EXOC6B: variants seen among roughly 807,000 people sequenced by gnomAD.
EXOC6B encodes SEC15 homolog B.
EXOC6B carries 54 observed loss-of-function variants against 113.5 expected under a neutral mutation model. That is an observed-to-expected ratio of 0.48 (90% confidence interval 0.38 to 0.60). EXOC6B has a LOEUF of 0.60. Among genes scored for constraint, EXOC6B ranks in the 20% least tolerant of loss-of-function variants. The probability of loss-of-function intolerance (pLI) is 0.00; values close to 1 mark genes in which losing one functional copy is unlikely to be tolerated. For synonymous variants in EXOC6B, 357 were observed against 339.0 expected, an observed-to-expected ratio of 1.05 and a Z score of -0.58; for missense variants, 797 against 977.5, an observed-to-expected ratio of 0.82 and a Z score of 2.46.
intron 20 of EXOC6B, among the ~76,000 whole-genome samples, chr2:72,225,133 T>C (rs1020626989): frequency 7.3e-5 from 11 of 151,482 alleles, no homozygotes; most frequent in African/African-American, 2.4e-4. Flanking sequence ...ATTATAGGCA[T>C]GAGGCACCGC....
intron 20 of EXOC6B, among the ~76,000 whole-genome samples, chr2:72,248,576 AT>A (rs1268938134): frequency 6.6e-6 from 1 of 152,220 alleles, no homozygotes; most frequent in Non-Finnish European, 1.5e-5. Context: ...ATTTGGGAAC[AT>A]CAAAAGTTCA....
chr2:72,608,755 G>GA (rs1006464039), intron 6 of EXOC6B, among the ~76,000 whole-genome samples: 24 of 151,798 alleles, frequency 1.6e-4, no homozygotes, highest in African/African-American at 4.6e-4. Context: ...ACCAAAAAGT[G>GA]AAAAAAAATT....
chr2:72,588,405 CTAAG>C (rs1705719129), intron 6 of EXOC6B, among the ~76,000 whole-genome samples: 1 of 151,912 alleles, frequency 6.6e-6, no homozygotes, highest in Non-Finnish European at 1.5e-5. Flanking sequence ...GGACATTATG[CTAAG>C]TAAGCTAGTC....
chr2:72,746,194 A>T (rs1203040719), intron 1 of EXOC6B, among the ~76,000 whole-genome samples: 1 of 152,078 alleles, frequency 6.6e-6, no homozygotes, highest in East Asian at 1.9e-4. Context: ...GTTATGTTGC[A>T]GTTAAACAAG....
chr2:72,317,977 A>G (rs2104816452), intron 20 of EXOC6B, among the ~76,000 whole-genome samples: 1 of 152,300 alleles, frequency 6.6e-6, no homozygotes, highest in South Asian at 2.1e-4. Context: ...CAATCCTTAG[A>G]TTAGGTTTTT....
chr2:72,420,505 G>A (rs967822017), intron 18 of EXOC6B, among the ~76,000 whole-genome samples: 3 of 152,134 alleles, frequency 2.0e-5, no homozygotes, highest in Non-Finnish European at 4.4e-5. Context: ...TTCTATTCTT[G>A]TGTTAGTTTG....
chr2:72,221,080 A>G (rs1457947689), intron 20 of EXOC6B, among the ~76,000 whole-genome samples: 1 of 152,202 alleles, frequency 6.6e-6, no homozygotes, highest in African/African-American at 2.4e-5. Flanking sequence ...TATTTCTTCT[A>G]TCAAACCATG....
chr2:72,723,741 TAAA>T (rs538661620), intron 5 of EXOC6B, among the ~76,000 whole-genome samples: 6 of 108,416 alleles, frequency 5.5e-5, no homozygotes, highest in African/African-American at 6.4e-5. Context: ...ATTTATAGCT[TAAA>T]AAAAAAAAAA....
chr2:72,784,228 C>A (rs1471448915), intron 1 of EXOC6B, among the ~76,000 whole-genome samples: 1 of 152,158 alleles, frequency 6.6e-6, no homozygotes, highest in Non-Finnish European at 1.5e-5. Context: ...CAATACCATG[C>A]TGTTCTGGTT....
At chr2:72,813,024 G>A (rs1189948210) in intron 1 of EXOC6B, among the ~76,000 whole-genome samples, 1 of 152,172 alleles carries the variant, frequency 6.6e-6, no homozygotes, top group Non-Finnish European at 1.5e-5. Context: ...CTAGAATAAA[G>A]GGGATCTCTG....
intron 6 of EXOC6B, among the ~76,000 whole-genome samples, chr2:72,585,220 G>A (rs144675140): frequency 6.6e-6 from 1 of 152,246 alleles, no homozygotes; most frequent in African/African-American, 2.4e-5. Flanking sequence ...AAAATGGGTT[G>A]TTCTAAAGAA....
At chr2:72,699,875 A>C (rs963345652) in intron 6 of EXOC6B, among the ~76,000 whole-genome samples, 1 of 152,206 alleles carries the variant, frequency 6.6e-6, no homozygotes, top group Admixed American at 6.5e-5. Flanking sequence ...TAAGCTAAAA[A>C]TATGGCTTTC....
chr2:72,327,643 T>C (rs1688204030), intron 20 of EXOC6B, among the ~76,000 whole-genome samples: 1 of 152,108 alleles, frequency 6.6e-6, no homozygotes, highest in Non-Finnish European at 1.5e-5. Flanking sequence ...TATTATTTCA[T>C]GAGGTCCTGG....
intron 18 of EXOC6B, chr2:72,462,489 G>A (rs1398840555): frequency 2.0e-5 from 3 of 151,760 alleles, no homozygotes; most frequent in Admixed American, 6.6e-5. Flanking sequence ...ATTTTTGTGG[G>A]GGAGGGCACA....
chr2:72,387,113 C>T (rs553282915), intron 18 of EXOC6B, among the ~76,000 whole-genome samples: 48 of 152,242 alleles, frequency 3.2e-4, no homozygotes, highest in Non-Finnish European at 6.0e-4. Flanking sequence ...TTGTTAAGTG[C>T]TTTCTGTGTA....
At chr2:72,577,835 C>T (rs1704969715) in intron 6 of EXOC6B, among the ~76,000 whole-genome samples, 1 of 151,970 alleles carries the variant, frequency 6.6e-6, no homozygotes, top group African/African-American at 2.4e-5. Context: ...AAAGAAGCAG[C>T]TGACTGACTT....
chr2:72,193,382 A>G (rs763280185), intron 20 of EXOC6B, among the ~76,000 whole-genome samples: 2 of 152,168 alleles, frequency 1.3e-5, no homozygotes, highest in African/African-American at 2.4e-5. Context: ...TCTGTGATTC[A>G]AAGAAGGGCA....
At position 72,613,450 on chromosome 2, in the gene EXOC6B, G is replaced by A. The variant is rs555230787; in HGVS notation, c.670-37782C>T. Among the ~76,000 whole-genome samples the A allele has an allele frequency of 1.4e-4, 22 of 151,854 alleles. No individual in the cohort carries two copies. The South Asian group carries it at 4.2e-3, about 29-fold the overall frequency. On this transcript the variant is annotated intron_variant, in intron 6 of 21. Transcript: ENST00000272427. ...TTCATTAAAATAATATGGAGACTGTGAAAATGCAATAAAAAGCCCAAAAAC... is the reference window on the plus strand; with the variant it reads ...TTCATTAAAATAATATGGAGACTGTAAAAATGCAATAAAAAGCCCAAAAAC...
intron 18 of EXOC6B, among the ~76,000 whole-genome samples, chr2:72,397,983 T>C (rs1692860701): frequency 6.6e-6 from 1 of 152,158 alleles, no homozygotes; most frequent in African/African-American, 2.4e-5. Flanking sequence ...GGAAAGGGTA[T>C]AGCATTTGTA....
Sources: gnomAD v4.1 joint callset for allele counts (sites outside exome capture counted in the v4.1 genomes callset) on GRCh38, gnomAD v4.1.1 for gene constraint, MANE v1.5 for transcripts, NCBI Gene and HGNC (gene_info 2026-07-23, HGNC 2026-07-21) for gene names.